Variants in ZNF451 observed in about 807,000 individuals in gnomAD.
The protein encoded by ZNF451 is zinc finger protein 451, also known as E3 SUMO-protein ligase ZNF451.
A neutral mutation model predicts 107.1 loss-of-function variants in ZNF451; 80 were observed. The observed-to-expected ratio is 0.75, with a 90% CI of 0.62 to 0.90. The LOEUF is 0.90. Among genes scored for constraint, ZNF451 ranks in the 40% least tolerant of loss-of-function variants. ZNF451 has a pLI of 0.00. For synonymous variants in ZNF451, 362 were observed against 406.5 expected (o/e 0.89, Z 1.32); for missense variants, 1,107 against 1,236.2 (o/e 0.90, Z 1.57).
At chr6:57,111,642 A>G (rs1261863948) in intron 3 of ZNF451, among the ~76,000 whole-genome samples, 4 of 152,172 alleles carry the variant, frequency 2.6e-5, no homozygotes, top group South Asian at 4.2e-4. Context: ...CGGCCTCCCA[A>G]AGTGCTGGGA....
At chr6:57,117,453 A>G (rs1830427621) in intron 3 of ZNF451, among the ~76,000 whole-genome samples, 1 of 152,156 alleles carries the variant, frequency 6.6e-6, no homozygotes, top group Admixed American at 6.5e-5. Context: ...AACAGGTTTT[A>G]AGGCCTCCAA....
intron 3 of ZNF451, among the ~76,000 whole-genome samples, chr6:57,110,584 A>G (rs1830061768): frequency 6.6e-6 from 1 of 152,186 alleles, no homozygotes; most frequent in Admixed American, 6.5e-5. Flanking sequence ...ATGGTTGCAT[A>G]CTTCAGGGTC....
rs747692369 is a variant in ZNF451, at chr6:57,101,553, C to T, written c.186+2412C>T. ...TGGAGGTCATGGGTTGTAGGTTTTA[C>T]CACGCTGCCTCCATTGCAGCCCGAG... On this transcript the variant is annotated intron_variant, in intron 3 of 14. Coordinates refer to ENST00000370706, the MANE Select transcript of ZNF451 (RefSeq NM_001031623.3). 12 of 1,550,976 alleles carry T rather than the reference C, an allele frequency of 7.7e-6. No homozygotes were observed. In the South Asian group the frequency reaches 1.4e-4, roughly 18 times the overall value.
chr6:57,134,790 T>G lies in ZNF451; in HGVS notation c.622T>G (p.Phe208Val). Residue 208 changes from phenylalanine to valine, a missense_variant, in exon 7 of 15, where the codon TTC (phenylalanine) becomes GTC (valine). Physicochemically the swap from Phe to Val is conservative, Grantham distance 50 (BLOSUM62 -1). This residue lies in a region of ZNF451 where 339 missense variants were observed against 372.8 expected (regional missense o/e 0.91). Transcript: ENST00000370706. ...CDPTITLHGP[F>V]FSSFACVVCY... ...TCCAACAATTACACTACATGGACCT[T>G]TCTTCAGCTCCTTTGCTTGTGTAGT... The G allele has an allele frequency of 6.2e-7, 1 of 1,613,272 alleles. No individual in the cohort carries two copies. Among genetic ancestry groups the G allele is most frequent in the Non-Finnish European group, 8.5e-7 (1 of 1,179,670 alleles).
At chr6:57,141,274 C>T (rs539833910) in intron 7 of ZNF451, 28 bp from the exon 8 acceptor site, 14 of 1,526,442 alleles carry the variant, frequency 9.2e-6, no homozygotes, top group African/African-American at 2.8e-5. Context: ...TTTAGTTTTC[C>T]ATAATACAGC....
chr6:57,113,620 ATTT>A lies in ZNF451; in HGVS notation c.187-11097_187-11095del, dbSNP rs869045366. On this transcript the variant is annotated intron_variant, in intron 3 of 14. Coordinates refer to ENST00000370706, the MANE Select transcript of ZNF451 (RefSeq NM_001031623.3). The stretch of plus-strand genomic sequence containing the variant: ...CTCATGGGTCTTCTGAGAAAAAAAA[ATTT>A]TTTTTTTTTTTTTTTTGAGATGGAG... 1.1e-4 allele frequency among the ~76,000 whole-genome samples: 15 copies of A among 137,232 alleles called. 1 individual carries two copies. In the South Asian group the frequency reaches 1.9e-3, roughly 17 times the overall value. 90.0% of individuals were successfully genotyped at this position (137,232 alleles called of 152,430 possible).
Position 57,169,484 on chromosome 6 carries a change from T to C in ZNF451, c.*1015T>C, listed in dbSNP as rs1764039497. 6.6e-6 allele frequency: 1 copy of C among 152,174 alleles called. No homozygotes were observed. Among genetic ancestry groups the C allele is most frequent in the Non-Finnish European group, 1.5e-5 (1 of 68,014 alleles). 9.4% of individuals were successfully genotyped at this position (152,174 alleles called of 1,614,324 possible). A position where few individuals can be genotyped will look rare whatever the true frequency, so the allele number is the denominator to read the frequency against. Reference sequence around the variant, plus strand: ...GGGCTTGTCATATTATCTTTGTGTATATGCTTCATGTTATTTAACCAGAAA... The same window carrying C: ...GGGCTTGTCATATTATCTTTGTGTACATGCTTCATGTTATTTAACCAGAAA... On this transcript the variant is annotated 3_prime_UTR_variant, in exon 15 of 15. Coordinates refer to ENST00000370706, the MANE Select transcript of ZNF451 (RefSeq NM_001031623.3).
At chr6:57,119,985 A>G (rs920275507) in intron 3 of ZNF451, among the ~76,000 whole-genome samples, 1 of 152,024 alleles carries the variant, frequency 6.6e-6, no homozygotes, top group Non-Finnish European at 1.5e-5. Flanking sequence ...TACATTCTCT[A>G]GGCTTTGACA....
At chr6:57,110,540 C>G (rs558628669) in intron 3 of ZNF451, among the ~76,000 whole-genome samples, 2 of 152,238 alleles carry the variant, frequency 1.3e-5, no homozygotes, top group Non-Finnish European at 2.9e-5. Context: ...GGATAATGTT[C>G]CTGAAGTGGA....
chr6:57,154,839 T>C (rs890792165), intron 13 of ZNF451, among the ~76,000 whole-genome samples: 1 of 152,214 alleles, frequency 6.6e-6, no homozygotes, highest in Non-Finnish European at 1.5e-5. Context: ...ATAGTGGCTT[T>C]TTGGCATTTT....
At chr6:57,106,029 A>T in intron 3 of ZNF451, 1 of 970,202 alleles carries the variant, frequency 1.0e-6, no homozygotes, top group Non-Finnish European at 1.2e-6. Flanking sequence ...CTATATTAGT[A>T]CTACACTAAT....
At chr6:57,159,384 GA>G in intron 13 of ZNF451, 2 of 985,396 alleles carry the variant, frequency 2.0e-6, no homozygotes, top group Non-Finnish European at 2.4e-6. Context: ...TGTAATAACA[GA>G]AAGCTGTGGG....
intron 4 of ZNF451, among the ~76,000 whole-genome samples, chr6:57,128,517 G>A (rs1831032790): frequency 6.6e-6 from 1 of 152,170 alleles, no homozygotes; most frequent in Admixed American, 6.6e-5. Flanking sequence ...TGTTAGGGGT[G>A]TAGGTTGTAG....
chr6:57,096,704 T>C (rs891887784), intron 2 of ZNF451, among the ~76,000 whole-genome samples: 2 of 151,636 alleles, frequency 1.3e-5, no homozygotes, highest in South Asian at 2.1e-4. Flanking sequence ...GTAAGATGAT[T>C]ATATCAATGG....
In ZNF451 at chr6:57,105,520, G is replaced by A. The variant is rs552031595; in HGVS notation, c.186+6379G>A. ...ATTTGTACAATTGCACTATCTAAAT[G>A]TACTCCCTTCTGAATGTTAATTTGT... On this transcript the variant is annotated intron_variant, in intron 3 of 14. Transcript: ENST00000370706. 1.0e-5 allele frequency: 10 copies of A among 985,312 alleles called. No homozygotes were observed. In the East Asian group the frequency reaches 5.7e-4, roughly 56 times the overall value. 61.0% of individuals were successfully genotyped at this position (985,312 alleles called of 1,614,324 possible).
rs151150457 is a variant in ZNF451, at chr6:57,147,987, T to A, written c.1902T>A (p.His634Gln). 9.1e-5 allele frequency: 147 copies of A among 1,614,034 alleles called. No homozygotes were observed. The highest frequency in any genetic ancestry group is 1.2e-4 in the Non-Finnish European group (140 of 1,179,986). The change falls in exon 10 of 15, where the codon CAT becomes CAA. Residue 634 changes from histidine to glutamine, a missense_variant. His to Gln is a conservative substitution (Grantham distance 24). Coordinates refer to ENST00000370706, the MANE Select transcript of ZNF451 (RefSeq NM_001031623.3). Reference sequence around the variant, plus strand: ...TGTCTTTGGCAAGCCACAAGTTTCATAGATACAGCTGTGCTCACTGCAGAA... The same window carrying A: ...TGTCTTTGGCAAGCCACAAGTTTCAAAGATACAGCTGTGCTCACTGCAGAA... ...HCMSLASHKF[H>Q]RYSCAHCRKP...
At chr6:57,100,881 A>G in intron 3 of ZNF451, 3 of 1,550,374 alleles carry the variant, frequency 1.9e-6, no homozygotes, top group Non-Finnish European at 2.6e-6. Flanking sequence ...TGGTCCCCCA[A>G]GAATCTTTGG....
At position 57,168,475 on chromosome 6, in the gene ZNF451, G is replaced by T; in HGVS notation, c.*6G>T. On this transcript the variant is annotated 3_prime_UTR_variant, in exon 15 of 15. Coordinates refer to ENST00000370706, the MANE Select transcript of ZNF451 (RefSeq NM_001031623.3). ...GAAGTCTTGAGGAAATGTAATTAAA[G>T]ATATTACCACACAACATCAAGTGGC... 1 of 1,604,390 alleles carries T rather than the reference G, an allele frequency of 6.2e-7. No homozygotes were observed. Among genetic ancestry groups the T allele is most frequent in the Non-Finnish European group, 8.5e-7 (1 of 1,173,802 alleles).
Position 57,105,501 on chromosome 6 carries a change from A to G in ZNF451, c.186+6360A>G, listed in dbSNP as rs1829810343. The G allele has an allele frequency of 6.1e-6, 6 of 985,316 alleles. No individual in the cohort carries two copies. The South Asian group carries it at 1.9e-4, about 31-fold the overall frequency. 61.0% of individuals were successfully genotyped at this position (985,316 alleles called of 1,614,324 possible). A position where few individuals can be genotyped will look rare whatever the true frequency, so the allele number is the denominator to read the frequency against. ...TTTAATCTTGTAGTTTATCATTTGT[A>G]CAATTGCACTATCTAAATGTACTCC... is the stretch of plus-strand genomic sequence containing the variant. On this transcript the variant is annotated intron_variant, in intron 3 of 14. Transcript: ENST00000370706.
Sources: gnomAD v4.1 joint callset for allele counts (sites outside exome capture counted in the v4.1 genomes callset) on GRCh38, gnomAD v4.1.1 for gene constraint, gnomAD v4.1.1 regional missense constraint, MANE v1.5 for transcripts, NCBI Gene and HGNC (gene_info 2026-07-23, HGNC 2026-07-21) for gene names.